ARHGAP35: variants seen among roughly 807,000 people sequenced by gnomAD.
ARHGAP35 encodes rho GTPase-activating protein 35.
A neutral mutation model predicts 111.1 loss-of-function variants in ARHGAP35; 15 were observed. The observed-to-expected ratio is 0.13, with a 90% CI of 0.09 to 0.21. The LOEUF (loss-of-function observed/expected upper bound fraction) is 0.21. Ranked by LOEUF, ARHGAP35 falls within the 10% of genes least tolerant of loss-of-function variation. ARHGAP35 has a pLI of 1.00. For synonymous variants in ARHGAP35, 643 were observed against 710.3 expected, an observed-to-expected ratio of 0.91 and a Z score of 1.51; for missense variants, 1,262 against 1,873.0, an observed-to-expected ratio of 0.67 and a Z score of 6.02.
chr19:46,953,721 G>A (rs2056424481), intron 3 of ARHGAP35, among the ~76,000 whole-genome samples: 1 of 152,154 alleles, frequency 6.6e-6, no homozygotes, highest in South Asian at 2.1e-4. Flanking sequence ...AAAGGGTAGA[G>A]TAGCACACTC....
At chr19:46,863,624 G>A (rs1024394412) in intron 1 of ARHGAP35, among the ~76,000 whole-genome samples, 3 of 151,932 alleles carry the variant, frequency 2.0e-5, no homozygotes, top group African/African-American at 7.3e-5. Flanking sequence ...CTCTAAGCCA[G>A]CAACCCTAGG....
intron 3 of ARHGAP35, among the ~76,000 whole-genome samples, chr19:46,980,467 G>A (rs867266596): frequency 1.8e-4 from 28 of 152,168 alleles, no homozygotes; most frequent in African/African-American, 6.5e-4. Context: ...AGGATTCCAA[G>A]CCCCTGAGAG....
intron 3 of ARHGAP35, among the ~76,000 whole-genome samples, chr19:46,956,215 G>C (rs1346461516): frequency 6.6e-6 from 1 of 152,282 alleles, no homozygotes; most frequent in African/African-American, 2.4e-5. Flanking sequence ...CTACTTGGGA[G>C]GCTAAGGTGA....
intron 3 of ARHGAP35, among the ~76,000 whole-genome samples, chr19:46,976,397 A>G (rs184814068): frequency 1.3e-5 from 2 of 152,254 alleles, no homozygotes; most frequent in Admixed American, 1.3e-4. Flanking sequence ...CGGCATTGCT[A>G]GCGGATTTCC....
intron 1 of ARHGAP35, among the ~76,000 whole-genome samples, 165 bp downstream of exon 1, chr19:46,861,374 C>A (rs935960225): frequency 2.0e-5 from 3 of 148,738 alleles, no homozygotes; most frequent in Non-Finnish European, 4.5e-5. Flanking sequence ...GCCCCGCCGT[C>A]CCCGTCGCTT....
In ARHGAP35 at chr19:46,989,455, T is replaced by C; in HGVS notation, c.3905-89T>C. 6.5e-7 allele frequency: 1 copy of C among 1,541,628 alleles called. No individual in the cohort carries two copies. Among genetic ancestry groups the C allele is most frequent in the Non-Finnish European group, 8.8e-7 (1 of 1,133,634 alleles). ...TGAGGCCGTCTCTGGCTCCTTGAGG[T>C]TTCTCTAGCCTCTCCTGAGCCCCGA... On this transcript the variant is annotated intron_variant, in intron 4 of 6. Transcript: ENST00000672722. This position sits in a 1 kb window ranked among gnomAD's most constrained non-coding sequence, Gnocchi z 5.3.
chr19:46,950,893 A>G (rs937216638), intron 3 of ARHGAP35, among the ~76,000 whole-genome samples: 2 of 152,244 alleles, frequency 1.3e-5, no homozygotes, highest in Admixed American at 6.5e-5. Context: ...AACACCTAGC[A>G]GTGAGACAAG....
chr19:46,999,277 C>T lies in ARHGAP35; in HGVS notation c.4037-27C>T. Reference sequence around the variant, plus strand: ...GGCCACCAGCCTCGGCCATGAAAGGCAAGGCTTTGGTTTTCTCTCTCCTCA... The same window carrying T: ...GGCCACCAGCCTCGGCCATGAAAGGTAAGGCTTTGGTTTTCTCTCTCCTCA... On this transcript the variant is annotated intron_variant, in intron 5 of 6. Transcript: ENST00000672722. This position sits in a 1 kb window ranked among gnomAD's most constrained non-coding sequence, Gnocchi z 5.4. 6.5e-7 allele frequency: 1 copy of T among 1,532,204 alleles called. No individual in the cohort carries two copies. The highest frequency in any genetic ancestry group is 8.9e-7 in the Non-Finnish European group (1 of 1,127,084). 94.9% of individuals were successfully genotyped at this position (1,532,204 alleles called of 1,614,324 possible).
chr19:46,970,549 G>T (rs562055923), intron 3 of ARHGAP35, among the ~76,000 whole-genome samples: 1 of 152,316 alleles, frequency 6.6e-6, no homozygotes, highest in South Asian at 2.1e-4. Context: ...CTTGCCCTGT[G>T]GATGGTGCAG....
chr19:47,000,391 G>A lies in ARHGAP35; in HGVS notation c.4203G>A (p.Trp1401Ter), dbSNP rs1309885800. The A allele has an allele frequency of 6.2e-7, 1 of 1,613,614 alleles. No individual in the cohort carries two copies. The highest frequency in any genetic ancestry group is 2.2e-5 in the East Asian group (1 of 44,876). ...MTSENLSICF[W>*]PTLMRPDFST... ...GCGAGAACCTCTCCATCTGCTTCTG[G>A]CCCACCTTGATGAGACCTGATTTCA... Residue 1401 changes from tryptophan to a stop codon, truncating the protein, a stop_gained, in exon 7 of 7, where the codon TGG becomes TGA. Transcript: ENST00000672722. LOFTEE classifies it high-confidence loss of function. The surrounding 1 kb of genome is among the most constrained non-coding windows in gnomAD (Gnocchi z 6.9).
chr19:46,873,151 C>T (rs1232278357), intron 1 of ARHGAP35, among the ~76,000 whole-genome samples: 1 of 152,016 alleles, frequency 6.6e-6, no homozygotes, highest in African/African-American at 2.4e-5. Flanking sequence ...TTCCAGAGTG[C>T]TTTTTTAACA....
chr19:46,885,941 T>G (rs1046381642), intron 1 of ARHGAP35, among the ~76,000 whole-genome samples: 2 of 152,308 alleles, frequency 1.3e-5, no homozygotes, highest in East Asian at 3.9e-4. Context: ...TATAAATAGA[T>G]TTTTATAATG....
At chr19:46,869,244 A>T (rs925756142) in intron 1 of ARHGAP35, among the ~76,000 whole-genome samples, 5 of 152,122 alleles carry the variant, frequency 3.3e-5, no homozygotes, top group Non-Finnish European at 7.3e-5. Flanking sequence ...ATTTTAAAAA[A>T]ATGTTAGTCT....
chr19:46,897,320 C>G (rs552005532), intron 1 of ARHGAP35, among the ~76,000 whole-genome samples: 1 of 152,190 alleles, frequency 6.6e-6, no homozygotes, highest in African/African-American at 2.4e-5. Context: ...CACTTATTTT[C>G]TCCAAGGTGT....
rs375088305 is a variant in ARHGAP35 at position 46,936,666 on chromosome 19, G to C, written c.3682-598G>C. Among the ~76,000 whole-genome samples the C allele has an allele frequency of 5.9e-4, 89 of 152,062 alleles. 1 individual carries two copies. In the South Asian group the frequency reaches 0.018, roughly 31 times the overall value. On this transcript the variant is annotated intron_variant, in intron 2 of 6. Transcript: ENST00000672722. ...CTGGTAGAGGATGTAGATAATCATC[G>C]TATTGTTATTTTATTACATAAACAT...
intron 1 of ARHGAP35, among the ~76,000 whole-genome samples, chr19:46,907,652 T>A (rs1250313250): frequency 2.7e-5 from 4 of 150,892 alleles, no homozygotes; most frequent in Non-Finnish European, 5.9e-5. Flanking sequence ...CTAATTTTTT[T>A]ATTTTTAGTA....
At chr19:46,991,743 C>T (rs1015121934) in intron 5 of ARHGAP35, among the ~76,000 whole-genome samples, 3 of 152,198 alleles carry the variant, frequency 2.0e-5, no homozygotes, top group Non-Finnish European at 2.9e-5. Context: ...TTCAACTGAG[C>T]CGCAGATACC....
At chr19:46,969,508 A>C (rs2056533036) in intron 3 of ARHGAP35, among the ~76,000 whole-genome samples, 1 of 152,020 alleles carries the variant, frequency 6.6e-6, no homozygotes, top group African/African-American at 2.4e-5. Flanking sequence ...GGACTGCTTG[A>C]GGCACTGCTC....
chr19:46,995,488 G>A (rs1427260760), intron 5 of ARHGAP35, among the ~76,000 whole-genome samples: 1 of 152,250 alleles, frequency 6.6e-6, no homozygotes, highest in East Asian at 1.9e-4. Flanking sequence ...ACTACAGTCA[G>A]AGAGGGCTCT....
Sources: allele counts gnomAD v4.1 joint callset (sites outside exome capture counted in the v4.1 genomes callset), GRCh38; gene constraint gnomAD v4.1.1; non-coding constraint Gnocchi (gnomAD v3.1); transcripts MANE v1.5; gene names NCBI Gene and HGNC (gene_info 2026-07-23, HGNC 2026-07-21).